The following KCNMA1 variants were observed in gnomAD, a reference collection of about 807,000 sequenced individuals.
The protein encoded by KCNMA1 is Calcium-activated potassium channel subunit alpha-1.
KCNMA1 carries 29 observed loss-of-function variants against 140.0 expected under a neutral mutation model. That is an observed-to-expected ratio of 0.21 (90% confidence interval 0.15 to 0.28). KCNMA1 has a LOEUF of 0.28. Ranked by LOEUF, KCNMA1 falls within the 10% of genes least tolerant of loss-of-function variation. KCNMA1 has a pLI of 1.00. For synonymous variants in KCNMA1, 612 were observed against 611.9 expected, an observed-to-expected ratio of 1.00 and a Z score of 0.00; for missense variants, 880 against 1,602.2, an observed-to-expected ratio of 0.55 and a Z score of 7.70.
intron 2 of KCNMA1, among the ~76,000 whole-genome samples, chr10:77,398,021 TA>T (rs1399876701): frequency 6.6e-6 from 1 of 151,086 alleles, no homozygotes; most frequent in Admixed American, 6.6e-5. Context: ...TATACATATA[TA>T]ATGTGATATA....
At chr10:76,951,923 C>G in intron 21 of KCNMA1, 1 of 1,015,410 alleles carries the variant, frequency 9.8e-7, no homozygotes. Context: ...TGAGAGCAGT[C>G]GTTGTCAGGG....
rs140925696 is a variant in KCNMA1, at chr10:77,344,239, C to T, written c.540+59623G>A. On this transcript the variant is annotated intron_variant, in intron 2 of 27. Coordinates refer to ENST00000286628, the MANE Select transcript of KCNMA1 (RefSeq NM_001161352.2). ...GACAGCAGAGTTGCGTGAGGGCTCACGAGCTAAGAGGTGGAACCCAGCCAG... is the reference window on the plus strand; with the variant it reads ...GACAGCAGAGTTGCGTGAGGGCTCATGAGCTAAGAGGTGGAACCCAGCCAG... 2.2e-4 allele frequency among the ~76,000 whole-genome samples: 33 copies of T among 152,292 alleles called. No homozygotes were observed. The East Asian group carries it at 6.0e-3, about 28-fold the overall frequency.
chr10:77,387,527 GTTCTT>G (rs57906683), intron 2 of KCNMA1, among the ~76,000 whole-genome samples: 28,951 of 139,128 alleles, frequency 0.21, 3,777 homozygotes, highest in Admixed American at 0.27. Context: ...TCATGGAATT[GTTCTT>G]TTCTTTTCTT....
At chr10:76,973,257 C>G (rs1016464030) in intron 19 of KCNMA1, 1 of 152,212 alleles carries the variant, frequency 6.6e-6, no homozygotes, top group African/African-American at 2.4e-5. Flanking sequence ...AGGAATCTAA[C>G]GTGGAATTTT....
intron 1 of KCNMA1, among the ~76,000 whole-genome samples, chr10:77,584,689 C>T (rs995305940): frequency 6.6e-6 from 1 of 152,204 alleles, no homozygotes; most frequent in Non-Finnish European, 1.5e-5. Context: ...GAAGAACATG[C>T]TCCCTGAAAT....
chr10:76,877,674 A>T, downstream of KCNMA1: 1 of 1,481,232 alleles, frequency 6.8e-7, no homozygotes, highest in Non-Finnish European at 9.2e-7. Context: ...ATGTAAGAAG[A>T]AAAGTCACAT....
chr10:77,536,148 G>C lies in KCNMA1; in HGVS notation c.378+101117C>G, dbSNP rs112613419. 3.4e-3 allele frequency among the ~76,000 whole-genome samples: 522 copies of C among 152,288 alleles called. 3 individuals carry two copies. Among genetic ancestry groups the C allele is most frequent in the African/African-American group, 0.012 (487 of 41,564 alleles). On this transcript the variant is annotated intron_variant, in intron 1 of 27. Transcript: ENST00000286628. ...GTGCTCACAGCAAACTATCACAGGG[G>C]CCTCATAAATACATAAAACTATTAT...
intron 1 of KCNMA1, among the ~76,000 whole-genome samples, chr10:77,550,315 A>G (rs1264096117): frequency 6.6e-6 from 1 of 152,168 alleles, no homozygotes; most frequent in East Asian, 1.9e-4. Flanking sequence ...CCTCTCTCCC[A>G]GCACCTGCTG....
chr10:77,625,856 T>C (rs1032394060), intron 1 of KCNMA1, among the ~76,000 whole-genome samples: 2 of 152,216 alleles, frequency 1.3e-5, no homozygotes, highest in Non-Finnish European at 2.9e-5. Context: ...GTTTTTTGGA[T>C]ATCTAACCAG....
chr10:77,469,871 G>A (rs2098114741), intron 1 of KCNMA1, among the ~76,000 whole-genome samples: 1 of 152,216 alleles, frequency 6.6e-6, no homozygotes, highest in African/African-American at 2.4e-5. Context: ...GCCAAAAATG[G>A]CACCACAGTG....
intron 1 of KCNMA1, among the ~76,000 whole-genome samples, chr10:77,601,570 T>C (rs543602463): frequency 3.3e-5 from 5 of 152,308 alleles, no homozygotes; most frequent in African/African-American, 9.6e-5. Flanking sequence ...CCAAAATATC[T>C]GCTGGCAGCT....
At chr10:77,286,078 A>G (rs1169873625) in intron 2 of KCNMA1, among the ~76,000 whole-genome samples, 1 of 152,192 alleles carries the variant, frequency 6.6e-6, no homozygotes, top group African/African-American at 2.4e-5. Context: ...TCCTGACAAC[A>G]TATTTATAAT....
chr10:77,183,333 G>T, intron 5 of KCNMA1, 88 bp downstream of exon 5: 1 of 855,472 alleles, frequency 1.2e-6, no homozygotes. Flanking sequence ...ATTGTTTGTA[G>T]GGAGACAGCC....
intron 2 of KCNMA1, among the ~76,000 whole-genome samples, chr10:77,311,600 A>G (rs10824522): frequency 0.066 from 10,090 of 152,260 alleles, 607 homozygotes; most frequent in East Asian, 0.29. Flanking sequence ...AAAAATAAAT[A>G]AATAAAAAAG....
chr10:77,306,956 C>T (rs2077920960), intron 2 of KCNMA1, among the ~76,000 whole-genome samples: 2 of 152,236 alleles, frequency 1.3e-5, no homozygotes. Flanking sequence ...CTGGAAGCCA[C>T]TCAGAAGCCA....
chr10:76,944,763 C>A lies in KCNMA1; in HGVS notation c.2902+10G>T, dbSNP rs1405354082. 1 of 1,613,182 alleles carries A rather than the reference C, an allele frequency of 6.2e-7. No individual in the cohort carries two copies. Among genetic ancestry groups the A allele is most frequent in the Non-Finnish European group, 8.5e-7 (1 of 1,179,240 alleles). On this transcript the variant is annotated intron_variant, in intron 23 of 27. Transcript: ENST00000286628. ...AGGCACAGCAAAGAAGTATTACAGG[C>A]TGTCCTTACCTTGGGAATTAGCCTG...
Position 77,451,477 on chromosome 10 carries a change from C to T in KCNMA1, c.379-47454G>A, listed in dbSNP as rs77016908. 2.7e-3 allele frequency among the ~76,000 whole-genome samples: 410 copies of T among 152,250 alleles called. 7 individuals carry two copies. In the East Asian group the frequency reaches 0.051, roughly 19 times the overall value. The stretch of plus-strand genomic sequence containing the variant: ...AGGCGAGTAGGTGAGAAGGCATGTA[C>T]CAACTCAAATCCCAGGTAGAAAGTG... On this transcript the variant is annotated intron_variant, in intron 1 of 27. Transcript: ENST00000286628.
chr10:76,924,231 AT>A (rs1340023175), intron 23 of KCNMA1, among the ~76,000 whole-genome samples: 9 of 152,212 alleles, frequency 5.9e-5, no homozygotes, highest in Admixed American at 5.2e-4. Flanking sequence ...TTGGTTAAGT[AT>A]GCATCCACTA....
intron 2 of KCNMA1, among the ~76,000 whole-genome samples, chr10:77,400,172 G>A (rs1185334431): frequency 5.9e-5 from 9 of 152,300 alleles, no homozygotes; most frequent in Middle Eastern, 3.4e-3. Flanking sequence ...TCTCTTGCCC[G>A]CCATTACTTA....
Sources: allele counts gnomAD v4.1 joint callset (sites outside exome capture counted in the v4.1 genomes callset), GRCh38; gene constraint gnomAD v4.1.1; transcripts MANE v1.5; gene names NCBI Gene and HGNC (gene_info 2026-07-23, HGNC 2026-07-21).